The following KANSL1 variants were observed in gnomAD, a reference collection of about 807,000 sequenced individuals.
The protein encoded by KANSL1 is MLL1/MLL complex subunit KANSL1.
Under a neutral mutation model 103.6 loss-of-function variants are expected in KANSL1, and 22 were observed. The ratio of observed to expected loss-of-function variants is 0.21; its 90% CI spans 0.15 to 0.30. KANSL1 has a LOEUF of 0.30. KANSL1 is among the 10% of genes least tolerant of loss of function. The pLI is 1.00. For missense variants in KANSL1, 1,337 were observed against 1,399.8 expected, an observed-to-expected ratio of 0.96 and a Z score of 0.72; for synonymous variants, 600 against 527.6, an observed-to-expected ratio of 1.14 and a Z score of -1.88.
intron 7 of KANSL1, among the ~76,000 whole-genome samples, chr17:46,049,169 G>A (rs2077618512): frequency 6.6e-6 from 1 of 151,272 alleles, no homozygotes; most frequent in East Asian, 1.9e-4. Context: ...TTAATACCTG[G>A]GAGATTCTCC....
Position 46,074,763 on chromosome 17 carries a change from CTAAATAAATAAA to C in KANSL1, c.1534-7108_1534-7097del, listed in dbSNP as rs71138522. Reference sequence around the variant, plus strand: ...TGGGTGACAAAGTGAGACCCTATCTCTAAATAAATAAATAAATAAATAAATAAATAAATAAAT... The same window carrying C: ...TGGGTGACAAAGTGAGACCCTATCTCTAAATAAATAAATAAATAAATAAAT... On this transcript the variant is annotated intron_variant, in intron 4 of 14. Transcript: ENST00000432791. Among the ~76,000 whole-genome samples the C allele has an allele frequency of 8.4e-3, 1,199 of 142,606 alleles. 7 individuals are homozygous for C. Among genetic ancestry groups the C allele is most frequent in the African/African-American group, 0.025 (958 of 37,924 alleles). The allele number at this position is 142,606 out of a possible 152,430, so 93.6% of individuals were successfully genotyped here. A position where few individuals can be genotyped will look rare whatever the true frequency, so the allele number is the denominator to read the frequency against.
intron 2 of KANSL1, among the ~76,000 whole-genome samples, chr17:46,151,573 G>A (rs1345200664): frequency 1.3e-5 from 2 of 152,136 alleles, no homozygotes; most frequent in African/African-American, 4.8e-5. Context: ...GTCTTCCCTA[G>A]TAGGATAAAA....
Position 46,032,036 on chromosome 17 carries a change from G to A in KANSL1, c.3090+11C>T. The A allele has an allele frequency of 6.2e-7, 1 of 1,614,024 alleles. No individual in the cohort carries two copies. The highest frequency in any genetic ancestry group is 8.5e-7 in the Non-Finnish European group (1 of 1,180,010). On this transcript the variant is annotated intron_variant, in intron 14 of 14. Coordinates refer to ENST00000432791, the MANE Select transcript of KANSL1 (RefSeq NM_015443.4). Reference sequence around the variant, plus strand: ...ACCATGCCAACCCCACCCAAAGGCTGCGTCCCTTACCTGTTCATCCAGCCC... The same window carrying A: ...ACCATGCCAACCCCACCCAAAGGCTACGTCCCTTACCTGTTCATCCAGCCC...
chr17:46,166,213 CAAAA>C (rs147552413), intron 2 of KANSL1, among the ~76,000 whole-genome samples: 2 of 95,098 alleles, frequency 2.1e-5, no homozygotes, highest in African/African-American at 4.5e-5. Flanking sequence ...GACTCTGTCT[CAAAA>C]AAAAAAAAAA....
chr17:46,131,794 ACAC>A (rs1294840817), intron 2 of KANSL1, among the ~76,000 whole-genome samples: 1 of 152,166 alleles, frequency 6.6e-6, no homozygotes, highest in Non-Finnish European at 1.5e-5. Flanking sequence ...ATAGATAGCA[ACAC>A]CACCACCACC....
At chr17:46,137,937 G>A (rs1455694773) in intron 2 of KANSL1, among the ~76,000 whole-genome samples, 1 of 152,022 alleles carries the variant, frequency 6.6e-6, no homozygotes, top group Non-Finnish European at 1.5e-5. Context: ...CAGATGAAAA[G>A]GTGTCTGCAC....
chr17:46,141,588 A>T (rs1428383573), intron 2 of KANSL1, among the ~76,000 whole-genome samples: 1 of 152,260 alleles, frequency 6.6e-6, no homozygotes, highest in Non-Finnish European at 1.5e-5. Flanking sequence ...AGAAAAGACA[A>T]TCAGAGAGTG....
At chr17:46,137,128 A>C (rs750597462) in intron 2 of KANSL1, among the ~76,000 whole-genome samples, 13 of 152,324 alleles carry the variant, frequency 8.5e-5, no homozygotes, top group Admixed American at 5.2e-4. Flanking sequence ...AAAATTGTTT[A>C]TCTCTTCCAG....
upstream of KANSL1, chr17:46,193,616 C>T (rs528622179): frequency 1.9e-3 from 550 of 289,650 alleles, 7 homozygotes; most frequent in African/African-American, 0.012. Flanking sequence ...GGCTCCTCGC[C>T]GTGGCCGATG....
At chr17:46,217,726 A>AAAAAATAC in intron 1 of KANSL1, among the ~76,000 whole-genome samples, 2 of 152,208 alleles carry the variant, frequency 1.3e-5, no homozygotes, top group Non-Finnish European at 2.9e-5. Context: ...CTGTCTCTAC[A>AAAAAATAC]AAAAATACAA....
chr17:46,054,707 C>T (rs2077854339), intron 6 of KANSL1, among the ~76,000 whole-genome samples: 2 of 152,252 alleles, frequency 1.3e-5, no homozygotes, highest in East Asian at 3.9e-4. Flanking sequence ...CTGACACTAC[C>T]AGTTACTCTG....
chr17:46,044,976 T>C (rs1395698436), intron 7 of KANSL1: 1 of 151,914 alleles, frequency 6.6e-6, no homozygotes, highest in African/African-American at 2.4e-5. Context: ...TGTAACTATA[T>C]GGAATCAATG....
intron 3 of KANSL1, among the ~76,000 whole-genome samples, chr17:46,086,340 G>A (rs537077693): frequency 6.6e-6 from 1 of 152,276 alleles, no homozygotes; most frequent in African/African-American, 2.4e-5. Flanking sequence ...GACCCACAGA[G>A]GATGTAGGTC....
At chr17:46,156,530 T>C (rs559355575) in intron 2 of KANSL1, among the ~76,000 whole-genome samples, 121 of 152,208 alleles carry the variant, frequency 7.9e-4, no homozygotes, top group Non-Finnish European at 1.5e-3. Flanking sequence ...CCTCCTAAGA[T>C]TTCAGCATTT....
At chr17:46,124,210 G>A (rs939943921) in intron 2 of KANSL1, among the ~76,000 whole-genome samples, 3 of 152,182 alleles carry the variant, frequency 2.0e-5, no homozygotes, top group African/African-American at 7.2e-5. Context: ...ACCAGCCTGG[G>A]CAACACGGCA....
In KANSL1 at chr17:46,032,129, G is replaced by C. The variant is rs775516828; in HGVS notation, c.3008C>G (p.Thr1003Ser). 2 of 1,614,158 alleles carry C rather than the reference G, an allele frequency of 1.2e-6. No homozygotes were observed. The highest frequency in any genetic ancestry group is 1.7e-6 in the Non-Finnish European group (2 of 1,179,996). The change falls in exon 14 of 15, where the codon ACC becomes AGC. Residue 1003 changes from threonine to serine, a missense_variant. Coordinates refer to ENST00000432791, the MANE Select transcript of KANSL1 (RefSeq NM_015443.4). ...TCGCGGAGTGTCCCGAGCCACAGGG[G>C]TGAGGGGTGCTGAGTGCAGTTCCGG... ...ISPELHSAPL[T>S]PVARDTPRHL...
chr17:46,035,855 G>A lies in KANSL1; in HGVS notation c.2542-1570C>T, dbSNP rs115875964. ...GGAGCAGGTTGTGGGATGGTTCAAC[G>A]GGCTCTTATCTCATCCTCTGCCTAG... On this transcript the variant is annotated intron_variant, in intron 10 of 14. Transcript: ENST00000432791. The A allele has an allele frequency of 2.7e-3, 394 of 146,950 alleles. 1 individual carries two copies. Among genetic ancestry groups the A allele is most frequent in the African/African-American group, 8.8e-3 (365 of 41,252 alleles). The allele number at this position is 146,950 out of a possible 1,614,324, so 9.1% of individuals were successfully genotyped here.
chr17:46,221,893 A>C (rs1177600251), intron 1 of KANSL1: 3 of 152,354 alleles, frequency 2.0e-5, no homozygotes, highest in African/African-American at 7.2e-5. Context: ...AATGAAAAAG[A>C]GAATAAAGTT....
At chr17:46,120,110 A>C (rs1210623378) in intron 2 of KANSL1, 2 of 152,294 alleles carry the variant, frequency 1.3e-5, no homozygotes, top group African/African-American at 4.8e-5. Flanking sequence ...TCAATCTGAA[A>C]GTATCACTTC....
Sources: gnomAD v4.1 joint callset for allele counts (sites outside exome capture counted in the v4.1 genomes callset) on GRCh38, gnomAD v4.1.1 for gene constraint, MANE v1.5 for transcripts, NCBI Gene and HGNC (gene_info 2026-07-23, HGNC 2026-07-21) for gene names.